NRXN3: variants seen among roughly 807,000 people sequenced by gnomAD.
NRXN3 encodes neurexin 3, also known as neurexin III.
In NRXN3, 32 loss-of-function variants were observed where a neutral mutation model predicts 137.6. That is an observed-to-expected ratio of 0.23 (90% confidence interval 0.18 to 0.31). NRXN3 has a LOEUF of 0.31. NRXN3 is among the 10% of genes least tolerant of loss of function. The pLI, the probability that NRXN3 is intolerant of heterozygous loss-of-function variation, is 1.00. For missense variants in NRXN3, 1,574 were observed against 2,062.5 expected (o/e 0.76, Z 4.59); for synonymous variants, 798 against 784.5 (o/e 1.02, Z -0.29).
chr14:78,234,994 T>TTC (rs1411362918), intron 1 of NRXN3, among the ~76,000 whole-genome samples: 1 of 108,784 alleles, frequency 9.2e-6, no homozygotes, highest in African/African-American at 3.3e-5. Flanking sequence ...ACAAATGCTT[T>TTC]TATATATATA....
At chr14:78,423,821 A>C (rs1451222540) in intron 4 of NRXN3, among the ~76,000 whole-genome samples, 1 of 152,180 alleles carries the variant, frequency 6.6e-6, no homozygotes, top group Non-Finnish European at 1.5e-5. Context: ...CCAGTTAGGG[A>C]CTATTAGCAA....
At chr14:79,563,802 T>A (rs1340852021) in intron 16 of NRXN3, among the ~76,000 whole-genome samples, 1 of 152,078 alleles carries the variant, frequency 6.6e-6, no homozygotes, top group African/African-American at 2.4e-5. Flanking sequence ...CTACTGTAAG[T>A]GGATCTCCCT....
At chr14:79,034,040 A>C (rs1023669085) in intron 15 of NRXN3, among the ~76,000 whole-genome samples, 1 of 152,154 alleles carries the variant, frequency 6.6e-6, no homozygotes, top group Admixed American at 6.6e-5. Flanking sequence ...TTATGTGGAC[A>C]TAATATGACT....
At chr14:79,223,003 A>G (rs184180490) in intron 15 of NRXN3, among the ~76,000 whole-genome samples, 1 of 152,206 alleles carries the variant, frequency 6.6e-6, no homozygotes, top group East Asian at 1.9e-4. Flanking sequence ...CATGCTTTTA[A>G]TTGTAGAATT....
intron 4 of NRXN3, among the ~76,000 whole-genome samples, chr14:78,614,074 G>T (rs377427228): frequency 6.6e-6 from 1 of 152,130 alleles, no homozygotes; most frequent in Non-Finnish European, 1.5e-5. Context: ...CATCAGTGCC[G>T]TCCAAGAGCT....
At chr14:79,623,849 G>GTTTTTTTTTTTTTTTTTTTTTTT (rs571687023) in intron 16 of NRXN3, among the ~76,000 whole-genome samples, 1 of 98,026 alleles carries the variant, frequency 1.0e-5, no homozygotes, top group Non-Finnish European at 2.1e-5. Flanking sequence ...CTTAGCTCCT[G>GTTTTTTTTTTTTTTTTTTTTTTT]TTTTTTTTTT....
At chr14:79,255,445 T>A (rs2076451518) in intron 15 of NRXN3, among the ~76,000 whole-genome samples, 2 of 152,216 alleles carry the variant, frequency 1.3e-5, no homozygotes, top group African/African-American at 4.8e-5. Context: ...CCAGAGATAT[T>A]GGGTTCCAAT....
intron 19 of NRXN3, among the ~76,000 whole-genome samples, chr14:79,797,214 C>T (rs1328662229): frequency 1.3e-5 from 2 of 152,136 alleles, no homozygotes; most frequent in East Asian, 3.9e-4. Context: ...AATGCAATAT[C>T]TTTAGCTCAG....
intron 15 of NRXN3, among the ~76,000 whole-genome samples, chr14:79,316,743 TC>T (rs2088830542): frequency 6.6e-6 from 1 of 151,808 alleles, no homozygotes; most frequent in Non-Finnish European, 1.5e-5. Context: ...TCTCTCTCTC[TC>T]TCTCTCTCTC....
intron 4 of NRXN3, among the ~76,000 whole-genome samples, chr14:78,600,362 A>G (rs1264318854): frequency 1.3e-5 from 2 of 152,062 alleles, no homozygotes; most frequent in Non-Finnish European, 2.9e-5. Flanking sequence ...CTACTACAAT[A>G]CTGTCATAAA....
chr14:79,805,035 C>A (rs1603545823), intron 19 of NRXN3, 77 bp from the exon 20 acceptor site: 2 of 997,386 alleles, frequency 2.0e-6, no homozygotes, highest in Non-Finnish European at 3.1e-6. Flanking sequence ...TCTTTGATGT[C>A]TTTGTTCATT....
At chr14:79,394,164 G>A (rs1357938838) in intron 15 of NRXN3, among the ~76,000 whole-genome samples, 1 of 152,140 alleles carries the variant, frequency 6.6e-6, no homozygotes, top group East Asian at 1.9e-4. Context: ...GTGTTGAAAG[G>A]TATAATCATT....
chr14:79,232,255 C>CGCGCACGTGTGTGTGTGTGT (rs2072363808), intron 15 of NRXN3, among the ~76,000 whole-genome samples: 1 of 151,798 alleles, frequency 6.6e-6, no homozygotes, highest in South Asian at 2.1e-4. Context: ...TGTGTGTGCG[C>CGCGCACGTGTGTGTGTGTGT]GCGCACGTGT....
chr14:79,226,217 T>G (rs1251823781), intron 15 of NRXN3, among the ~76,000 whole-genome samples: 1 of 152,118 alleles, frequency 6.6e-6, no homozygotes, highest in Non-Finnish European at 1.5e-5. Context: ...GGAAACAGCT[T>G]TATCAAAACA....
intron 1 of NRXN3, among the ~76,000 whole-genome samples, chr14:78,230,690 A>G (rs1301013937): frequency 6.6e-6 from 1 of 152,144 alleles, no homozygotes; most frequent in Non-Finnish European, 1.5e-5. Context: ...GCACTTATTG[A>G]GTTCTGAAAA....
Position 78,557,022 on chromosome 14 carries a change from C to T in NRXN3, c.758-88098C>T, listed in dbSNP as rs2096745060. Among the ~76,000 whole-genome samples, 4 of 130,654 alleles carry T rather than the reference C, an allele frequency of 3.1e-5. No homozygotes were observed. In the South Asian group the frequency reaches 1.2e-3, roughly 38 times the overall value. The allele number at this position is 130,654 out of a possible 152,430, so 85.7% of individuals were successfully genotyped here. On this transcript the variant is annotated intron_variant, in intron 4 of 20. Coordinates refer to ENST00000335750, the MANE Select transcript of NRXN3 (RefSeq NM_001330195.2). ...TCTCTCTTCTCTTCCCTCTCTCCTCCCCTCCCCTTCCCTCTCCTCCCCTCT... is the reference window on the plus strand; with the variant it reads ...TCTCTCTTCTCTTCCCTCTCTCCTCTCCTCCCCTTCCCTCTCCTCCCCTCT...
Position 78,651,557 on chromosome 14 carries a change from T to C in NRXN3, c.1221+231T>C, listed in dbSNP as rs551414343. Among the ~76,000 whole-genome samples the C allele has an allele frequency of 3.3e-5, 5 of 152,316 alleles. No individual in the cohort carries two copies. In the East Asian group the frequency reaches 7.7e-4, roughly 24 times the overall value. On this transcript the variant is annotated intron_variant, in intron 6 of 20. Transcript: ENST00000335750. ...CTGTATTAGTCTGTTTGCATGCTGC[T>C]GATAAAGACATACCCAAGACTGGGT...
intron 2 of NRXN3, among the ~76,000 whole-genome samples, chr14:78,246,278 A>G (rs1379121778): frequency 6.6e-6 from 1 of 152,024 alleles, no homozygotes; most frequent in East Asian, 1.9e-4. Flanking sequence ...TTCTTTTTAT[A>G]TTTTGTGTGT....
intron 4 of NRXN3, among the ~76,000 whole-genome samples, chr14:78,644,357 T>C (rs533288362): frequency 5.3e-5 from 8 of 152,240 alleles, no homozygotes; most frequent in African/African-American, 1.7e-4. Context: ...AGGATAGTTC[T>C]GTGGGGAAGA....
Sources: allele counts gnomAD v4.1 joint callset (sites outside exome capture counted in the v4.1 genomes callset), GRCh38; gene constraint gnomAD v4.1.1; transcripts MANE v1.5; gene names NCBI Gene and HGNC (gene_info 2026-07-23, HGNC 2026-07-21).